The following TIAM1 variants were observed in gnomAD, a reference collection of about 807,000 sequenced individuals.
The protein encoded by TIAM1 is TIAM Rac1 associated GEF 1, also known as rho guanine nucleotide exchange factor TIAM1.
In TIAM1, 65 loss-of-function variants were observed where a neutral mutation model predicts 163.5. That is an observed-to-expected ratio of 0.40 (90% confidence interval 0.33 to 0.49). The LOEUF is 0.49. TIAM1 is among the 20% of genes least tolerant of loss of function. The pLI, the probability that TIAM1 is intolerant of heterozygous loss-of-function variation, is 0.77. For missense variants in TIAM1, 1,789 were observed against 2,044.7 expected (o/e 0.87, Z 2.41); for synonymous variants, 833 against 810.1 (o/e 1.03, Z -0.48).
chr21:31,404,536 C>CT (rs35784628), intron 2 of TIAM1, among the ~76,000 whole-genome samples: 380 of 139,914 alleles, frequency 2.7e-3, no homozygotes, highest in Middle Eastern at 3.9e-3. Context: ...CCAGTATGGT[C>CT]TTTTTTTTTT....
At chr21:31,189,252 G>A (rs1447591815) in intron 13 of TIAM1, among the ~76,000 whole-genome samples, 3 of 151,104 alleles carry the variant, frequency 2.0e-5, no homozygotes, top group South Asian at 2.1e-4. Context: ...ATGGGGTTCC[G>A]TCATGCTGGC....
In TIAM1 at chr21:31,120,699, C is replaced by T. The variant is rs746172852; in HGVS notation, c.4445G>A (p.Arg1482Gln). 14 of 1,613,900 alleles carry T rather than the reference C, an allele frequency of 8.7e-6. No individual in the cohort carries two copies. The highest frequency in any genetic ancestry group is 7.7e-5 in the South Asian group (7 of 91,064). The change falls in exon 28 of 28, where the codon CGA becomes CAA. Residue 1482 changes from arginine (R) to glutamine (Q), a missense_variant. Arg to Gln is a conservative substitution (Grantham distance 43, BLOSUM62 1). This residue lies in a region of TIAM1 where 415 missense variants were observed against 439.2 expected (regional missense o/e 0.94). Coordinates refer to ENST00000541036, the MANE Select transcript of TIAM1 (RefSeq NM_001353694.2). This position sits in a 1 kb window ranked among gnomAD's most constrained non-coding sequence, Gnocchi z 4.2. ...QQPPGGGDTD[R>Q]WVEEQFDLAQ... ...AAGATCAAACTGCTCCTCTACCCAT[C>T]GGTCAGTGTCCCCACCACCGGGGGG... is the stretch of plus-strand genomic sequence containing the variant.
intron 1 of TIAM1, among the ~76,000 whole-genome samples, chr21:31,541,556 TAAGTA>T (rs1404601400): frequency 1.3e-5 from 2 of 152,174 alleles, no homozygotes; most frequent in African/African-American, 4.8e-5. Flanking sequence ...GGAGAATAGT[TAAGTA>T]AATTATGAGC....
At chr21:31,397,961 G>A (rs758913117) in intron 2 of TIAM1, among the ~76,000 whole-genome samples, 22 of 151,918 alleles carry the variant, frequency 1.4e-4, no homozygotes, top group Non-Finnish European at 2.8e-4. Context: ...TTCTAAGCAA[G>A]CTTCAGCCTG....
chr21:31,267,493 C>A (rs1244750281), intron 3 of TIAM1, among the ~76,000 whole-genome samples: 3 of 149,530 alleles, frequency 2.0e-5, no homozygotes, highest in Non-Finnish European at 4.4e-5. Flanking sequence ...CCCTCCCTGA[C>A]AATGGGTACG....
intron 14 of TIAM1, among the ~76,000 whole-genome samples, chr21:31,183,897 G>GTTGGC (rs1316449853): frequency 1.3e-5 from 2 of 151,478 alleles, no homozygotes; most frequent in African/African-American, 4.9e-5. Flanking sequence ...GTTTCACCAT[G>GTTGGC]TTGGCCAGGC....
intron 2 of TIAM1, among the ~76,000 whole-genome samples, chr21:31,397,123 TAGC>T (rs1294839848): frequency 6.6e-6 from 1 of 152,202 alleles, no homozygotes; most frequent in African/African-American, 2.4e-5. Context: ...GTGTTCAACT[TAGC>T]AGCAGATCTT....
intron 15 of TIAM1, among the ~76,000 whole-genome samples, chr21:31,178,393 GC>G (rs1290452745): frequency 3.0e-5 from 4 of 133,758 alleles, no homozygotes; most frequent in African/African-American, 1.1e-4. Flanking sequence ...TGCAGGCTCT[GC>G]CCCCGGGGTT....
At chr21:31,491,143 C>A (rs1487279544) in intron 1 of TIAM1, among the ~76,000 whole-genome samples, 4 of 133,646 alleles carry the variant, frequency 3.0e-5, no homozygotes, top group Non-Finnish European at 1.7e-5. Flanking sequence ...AAAGAAAGAA[C>A]GAAAGAAAGG....
intron 1 of TIAM1, among the ~76,000 whole-genome samples, chr21:31,544,314 A>AGT (rs201708392): frequency 1.7e-5 from 1 of 60,392 alleles, no homozygotes; most frequent in Non-Finnish European, 4.7e-5. Context: ...TGAGGTCAGG[A>AGT]TGAAAAGCCC....
At chr21:31,274,553 G>A (rs1241047957) in intron 3 of TIAM1, among the ~76,000 whole-genome samples, 3 of 152,154 alleles carry the variant, frequency 2.0e-5, no homozygotes, top group African/African-American at 4.8e-5. Context: ...CGGTTCCAGT[G>A]GTGCTCCTAG....
chr21:31,129,125 G>C (rs1366934498), intron 25 of TIAM1, among the ~76,000 whole-genome samples: 1 of 152,156 alleles, frequency 6.6e-6, no homozygotes, highest in East Asian at 1.9e-4. Context: ...GAACAGATGT[G>C]GCTAAAGAGT....
chr21:31,228,542 A>T (rs1207055353), intron 6 of TIAM1, among the ~76,000 whole-genome samples: 2 of 152,164 alleles, frequency 1.3e-5, no homozygotes, highest in Admixed American at 1.3e-4. Flanking sequence ...GACACCATCC[A>T]GGTGCCACCA....
At chr21:31,530,184 T>A (rs955686919) in intron 1 of TIAM1, among the ~76,000 whole-genome samples, 2 of 152,224 alleles carry the variant, frequency 1.3e-5, no homozygotes, top group Non-Finnish European at 2.9e-5. Context: ...TCTGAATTCA[T>A]ACTGAAAAGG....
chr21:31,179,217 T>C (rs1029937192), intron 15 of TIAM1, among the ~76,000 whole-genome samples: 2 of 151,368 alleles, frequency 1.3e-5, no homozygotes, highest in African/African-American at 4.9e-5. Context: ...TGAAACCCCA[T>C]CTCTACTAAA....
intron 2 of TIAM1, among the ~76,000 whole-genome samples, chr21:31,385,690 TTAAAAAA>T (rs2076854072): frequency 6.7e-6 from 1 of 148,976 alleles, no homozygotes; most frequent in African/African-American, 2.5e-5. Context: ...AATTTGTGCT[TTAAAAAA>T]TATACTGCAC....
At chr21:31,336,852 G>A (rs1295188222) in intron 2 of TIAM1, among the ~76,000 whole-genome samples, 3 of 152,272 alleles carry the variant, frequency 2.0e-5, no homozygotes, top group Admixed American at 1.3e-4. Flanking sequence ...AGGCCAATGG[G>A]GGTAACCAAC....
chr21:31,410,377 AGT>A (rs894551902), intron 2 of TIAM1, among the ~76,000 whole-genome samples: 1 of 151,310 alleles, frequency 6.6e-6, no homozygotes, highest in African/African-American at 2.4e-5. Flanking sequence ...TGTGTGTAAG[AGT>A]GTGTGTGACG....
At chr21:31,346,199 T>C (rs533732322), upstream of TIAM1, among the ~76,000 whole-genome samples, 1 of 152,240 alleles carries the variant, frequency 6.6e-6, no homozygotes, top group African/African-American at 2.4e-5. Flanking sequence ...ATAGTGCTGC[T>C]GCTGCTGAGA....
Sources: gnomAD v4.1 joint callset for allele counts (sites outside exome capture counted in the v4.1 genomes callset) on GRCh38, gnomAD v4.1.1 for gene constraint, gnomAD v4.1.1 regional missense constraint, Gnocchi (gnomAD v3.1) non-coding constraint, MANE v1.5 for transcripts, NCBI Gene and HGNC (gene_info 2026-07-23, HGNC 2026-07-21) for gene names.